The following PTGER4 variants were observed in gnomAD, a reference collection of about 807,000 sequenced individuals.
PTGER4 encodes prostaglandin E receptor 4.
A neutral mutation model predicts 33.2 loss-of-function variants in PTGER4; 11 were observed. The ratio of observed to expected loss-of-function variants is 0.33; its 90% CI spans 0.21 to 0.55. The LOEUF (loss-of-function observed/expected upper bound fraction) is 0.55. Among genes scored for constraint, PTGER4 ranks in the 20% least tolerant of loss-of-function variants. The pLI is 0.92. For synonymous variants in PTGER4, 275 were observed against 281.5 expected, an observed-to-expected ratio of 0.98 and a Z score of 0.23; for missense variants, 481 against 650.2, an observed-to-expected ratio of 0.74 and a Z score of 2.83.
At chr5:40,743,417 T>G in the PTGER4 span, among the ~76,000 whole-genome samples, 1 of 152,116 alleles carries the variant, frequency 6.6e-6, no homozygotes, top group South Asian at 2.1e-4. Flanking sequence ...GACTCAGTAT[T>G]TTTTTTAATC....
chr5:40,701,049 C>T, the PTGER4 span, among the ~76,000 whole-genome samples: 1 of 147,358 alleles, frequency 6.8e-6, no homozygotes, highest in South Asian at 2.2e-4. Context: ...ACTCAATCTA[C>T]ACTGCAGTTA....
chr5:40,722,800 C>T, the PTGER4 span, among the ~76,000 whole-genome samples: 15 of 150,920 alleles, frequency 9.9e-5, no homozygotes, highest in East Asian at 2.0e-4. Flanking sequence ...CCCAGCCAGC[C>T]GCCCATCCGG....
the PTGER4 span, among the ~76,000 whole-genome samples, chr5:40,739,888 A>G: frequency 1.3e-5 from 2 of 151,972 alleles, no homozygotes; most frequent in Non-Finnish European, 2.9e-5. Context: ...GTTTTGCTGA[A>G]TTTTTTTCCT....
chr5:40,719,051 A>C, the PTGER4 span, among the ~76,000 whole-genome samples: 10 of 152,232 alleles, frequency 6.6e-5, no homozygotes, highest in African/African-American at 2.4e-4. Context: ...GGAAACATTA[A>C]AAGGTATTTT....
chr5:40,728,223 G>A, the PTGER4 span: 2 of 737,836 alleles, frequency 2.7e-6, no homozygotes, highest in African/African-American at 2.0e-5. Flanking sequence ...GGCGGAGGTT[G>A]CCGTGAGCTG....
At chr5:40,703,590 A>G in the PTGER4 span, among the ~76,000 whole-genome samples, 5 of 152,076 alleles carry the variant, frequency 3.3e-5, no homozygotes, top group East Asian at 5.8e-4. Flanking sequence ...CCATCCCTAC[A>G]GGAACTATTC....
the PTGER4 span, among the ~76,000 whole-genome samples, chr5:40,744,493 T>TTC: frequency 6.6e-6 from 1 of 151,402 alleles, no homozygotes; most frequent in Non-Finnish European, 1.5e-5. Flanking sequence ...ACCAGTTTTT[T>TTC]TTTTTTTTTT....
the PTGER4 span, among the ~76,000 whole-genome samples, chr5:40,746,089 C>A: frequency 6.6e-6 from 1 of 152,112 alleles, no homozygotes; most frequent in East Asian, 1.9e-4. Flanking sequence ...TTATTTTCCT[C>A]TAGGTAGTAA....
the PTGER4 span, among the ~76,000 whole-genome samples, chr5:40,702,958 T>C: frequency 1.8e-4 from 28 of 152,314 alleles, no homozygotes; most frequent in Admixed American, 5.9e-4. Flanking sequence ...AGAAGCTCTT[T>C]GAAAATAATG....
At chr5:40,701,072 C>CGTCCAT in the PTGER4 span, among the ~76,000 whole-genome samples, 2 of 152,116 alleles carry the variant, frequency 1.3e-5, no homozygotes, top group East Asian at 1.9e-4. Flanking sequence ...GAAACATCCA[C>CGTCCAT]GTGCAGAGAT....
chr5:40,731,963 TC>T, the PTGER4 span, among the ~76,000 whole-genome samples: 40 of 152,220 alleles, frequency 2.6e-4, no homozygotes, highest in Non-Finnish European at 4.1e-4. Context: ...ACAATTATTT[TC>T]CCAAAAAGTT....
At chr5:40,689,471 T>TA (rs1280285555) in intron 2 of PTGER4, among the ~76,000 whole-genome samples, 1 of 152,166 alleles carries the variant, frequency 6.6e-6, no homozygotes, top group Non-Finnish European at 1.5e-5. Context: ...AAGAAAAAAA[T>TA]AATTCTTCCT....
At chr5:40,728,735 C>A in the PTGER4 span, among the ~76,000 whole-genome samples, 8 of 152,102 alleles carry the variant, frequency 5.3e-5, no homozygotes, top group African/African-American at 1.9e-4. Flanking sequence ...GTGGTCATAT[C>A]CTAACTATGG....
chr5:40,722,341 T>G, the PTGER4 span, among the ~76,000 whole-genome samples: 74 of 152,210 alleles, frequency 4.9e-4, no homozygotes, highest in Middle Eastern at 6.8e-3. Flanking sequence ...GTCTAGGAAG[T>G]GAGGAGCGTC....
the PTGER4 span, among the ~76,000 whole-genome samples, chr5:40,727,507 G>A: frequency 1.0e-3 from 154 of 152,210 alleles, 1 homozygote; most frequent in Admixed American, 3.5e-3. Context: ...ACCAGTTTAC[G>A]GTAAACATTA....
At chr5:40,718,778 G>A in the PTGER4 span, among the ~76,000 whole-genome samples, 1 of 151,746 alleles carries the variant, frequency 6.6e-6, no homozygotes, top group African/African-American at 2.4e-5. Context: ...GTGTATGCCT[G>A]TAATCCCAGC....
the PTGER4 span, among the ~76,000 whole-genome samples, chr5:40,708,452 G>A: frequency 1.3e-5 from 2 of 152,088 alleles, no homozygotes; most frequent in Non-Finnish European, 2.9e-5. Context: ...TAAATTCCTC[G>A]ACACATACAC....
Position 40,684,124 on chromosome 5 carries a change from ACC to A in PTGER4, c.867+2274_867+2275del, listed in dbSNP as rs879580832. On this transcript the variant is annotated intron_variant, in intron 2 of 2. Coordinates refer to ENST00000302472, the MANE Select transcript of PTGER4 (RefSeq NM_000958.3). Reference sequence around the variant, plus strand: ...GATGGGTTCATTATGCCACCCACCCACCCCCCCCCCCACAATTCAGCAATTAC... The same window carrying A: ...GATGGGTTCATTATGCCACCCACCCACCCCCCCCCACAATTCAGCAATTAC... Among the ~76,000 whole-genome samples, 575 of 74,082 alleles carry A rather than the reference ACC, an allele frequency of 7.8e-3. 6 individuals are homozygous for A. The highest frequency in any genetic ancestry group is 0.029 in the African/African-American group (453 of 15,496). The allele number at this position is 74,082 out of a possible 152,430, so 48.6% of individuals were successfully genotyped here.
At chr5:40,695,412 G>A (rs539472183), downstream of PTGER4, among the ~76,000 whole-genome samples, 6 of 135,080 alleles carry the variant, frequency 4.4e-5, no homozygotes, top group South Asian at 5.2e-4. Context: ...GCATGGTGGC[G>A]GGTGCCTGTA....
Sources: gnomAD v4.1 joint callset for allele counts (sites outside exome capture counted in the v4.1 genomes callset) on GRCh38, gnomAD v4.1.1 for gene constraint, MANE v1.5 for transcripts, NCBI Gene and HGNC (gene_info 2026-07-23, HGNC 2026-07-21) for gene names.